The following DENND2A variants were observed in gnomAD, a reference collection of about 807,000 sequenced individuals.
The protein encoded by DENND2A is DENN domain containing 2A, also known as DENN domain-containing protein 2A.
In DENND2A, 53 loss-of-function variants were observed where a neutral mutation model predicts 105.3. The ratio of observed to expected loss-of-function variants is 0.50; its 90% confidence interval spans 0.40 to 0.63. The LOEUF is 0.63. DENND2A is among the 30% of genes least tolerant of loss of function. DENND2A has a pLI of 0.00. For synonymous variants in DENND2A, 522 were observed against 508.4 expected (o/e 1.03, Z -0.36); for missense variants, 1,138 against 1,279.6 (o/e 0.89, Z 1.69).
At chr7:140,565,467 G>T (rs1442750139) in intron 9 of DENND2A, among the ~76,000 whole-genome samples, 1 of 152,140 alleles carries the variant, frequency 6.6e-6, no homozygotes, top group Non-Finnish European at 1.5e-5. Flanking sequence ...TATATTCTTA[G>T]TAAATTCTGG....
chr7:140,601,309 CAAAT>C, intron 3 of DENND2A, 90 bp downstream of exon 3: 11 of 1,471,554 alleles, frequency 7.5e-6, no homozygotes, highest in Non-Finnish European at 9.1e-6. Flanking sequence ...TTTAATAAAA[CAAAT>C]AATTCAGCTG....
chr7:140,618,441 C>G (rs1378577503), intron 1 of DENND2A, among the ~76,000 whole-genome samples: 3 of 152,156 alleles, frequency 2.0e-5, no homozygotes, highest in African/African-American at 7.2e-5. Context: ...TGTTTCTCAG[C>G]TCTACAGAAA....
In DENND2A at chr7:140,521,281, CT is replaced by C. The variant is rs910891661; in HGVS notation, c.2911+573del. 6.5e-4 allele frequency among the ~76,000 whole-genome samples: 97 copies of C among 148,818 alleles called. No individual in the cohort carries two copies. The East Asian group carries it at 0.013, about 20-fold the overall frequency. ...TCTCCAATCAGTTTTCTTTTTCTTT[CT>C]TTTTTTTTTGTGACGGAGTCTCACT... On this transcript the variant is annotated intron_variant, in intron 18 of 19. Transcript: ENST00000496613.
chr7:140,602,032 T>G lies in DENND2A; in HGVS notation c.366A>C (p.Pro122=), dbSNP rs1365758419. Residue 122 remains proline (P), a synonymous_variant, in exon 3 of 20, where the codon CCA becomes CCC. Coordinates refer to ENST00000496613, the MANE Select transcript of DENND2A (RefSeq NM_015689.5). ...KGAVNVGGQD[P]EPGQDLSQPE... Reference sequence around the variant, plus strand: ...GCTGGCTTAGGTCTTGCCCCGGCTCTGGGTCCTGTCCCCCGACGTTCACTG... The same window carrying G: ...GCTGGCTTAGGTCTTGCCCCGGCTCGGGGTCCTGTCCCCCGACGTTCACTG... 2 of 1,614,106 alleles carry G rather than the reference T, an allele frequency of 1.2e-6. No homozygotes were observed. The highest frequency in any genetic ancestry group is 1.7e-6 in the Non-Finnish European group (2 of 1,180,036).
chr7:140,606,563 C>T lies in DENND2A; in HGVS notation c.-247-757G>A, dbSNP rs188977153. On this transcript the variant is annotated intron_variant, in intron 1 of 19. Coordinates refer to ENST00000496613, the MANE Select transcript of DENND2A (RefSeq NM_015689.5). ...GAACTGTCTTCACAGGGATACTCTA[C>T]CCTTCTGCGAACCCTGACACTGGGA... Among the ~76,000 whole-genome samples, 910 of 152,244 alleles carry T rather than the reference C, an allele frequency of 6.0e-3. 6 individuals carry two copies. Among genetic ancestry groups the T allele is most frequent in the African/African-American group, 0.02 (845 of 41,526 alleles).
chr7:140,572,004 GTC>G (rs1452081878), intron 6 of DENND2A, among the ~76,000 whole-genome samples: 1 of 144,866 alleles, frequency 6.9e-6, no homozygotes, highest in Non-Finnish European at 1.5e-5. Context: ...CTCTCTCTCT[GTC>G]TCTCTTTTAT....
chr7:140,535,095 G>T (rs1361223300), intron 14 of DENND2A, among the ~76,000 whole-genome samples: 1 of 152,134 alleles, frequency 6.6e-6, no homozygotes, highest in African/African-American at 2.4e-5. Context: ...TGCTCAGCTG[G>T]CTTCCAACTC....
intron 3 of DENND2A, among the ~76,000 whole-genome samples, chr7:140,590,131 T>G (rs1248741754): frequency 6.6e-6 from 1 of 152,222 alleles, no homozygotes; most frequent in Non-Finnish European, 1.5e-5. Flanking sequence ...GGCTCATGTC[T>G]GTAATTCCAG....
At chr7:140,596,364 T>G (rs1799282561) in intron 3 of DENND2A, among the ~76,000 whole-genome samples, 1 of 152,230 alleles carries the variant, frequency 6.6e-6, no homozygotes, top group Admixed American at 6.5e-5. Flanking sequence ...CTTTGAAGAC[T>G]TGAAACATTC....
intron 14 of DENND2A, among the ~76,000 whole-genome samples, chr7:140,536,868 G>A (rs1796473289): frequency 6.6e-6 from 1 of 151,854 alleles, no homozygotes; most frequent in Non-Finnish European, 1.5e-5. Context: ...TCACCATGTT[G>A]GCCAGGCTGG....
At chr7:140,562,768 G>A (rs184699110) in intron 9 of DENND2A, among the ~76,000 whole-genome samples, 1 of 152,304 alleles carries the variant, frequency 6.6e-6, no homozygotes. Context: ...TAATACTAGT[G>A]GTTAAGACAG....
chr7:140,607,052 G>A (rs970448961), intron 1 of DENND2A, among the ~76,000 whole-genome samples: 2 of 152,176 alleles, frequency 1.3e-5, no homozygotes, highest in Non-Finnish European at 2.9e-5. Context: ...TAGTGGAGAG[G>A]AGCCACCTCC....
chr7:140,543,106 TTTTTCTTTTC>T (rs1180046309), intron 14 of DENND2A, among the ~76,000 whole-genome samples: 1 of 147,604 alleles, frequency 6.8e-6, no homozygotes, highest in Admixed American at 6.8e-5. Flanking sequence ...CAAGTCTGTG[TTTTTCTTTTC>T]TTTTCTTTTT....
intron 9 of DENND2A, among the ~76,000 whole-genome samples, chr7:140,565,482 A>T (rs563108113): frequency 3.9e-5 from 6 of 152,172 alleles, no homozygotes; most frequent in Non-Finnish European, 8.8e-5. Flanking sequence ...TTCTGGTTGA[A>T]CTGAATTAGA....
chr7:140,585,995 G>T (rs1393138490), intron 4 of DENND2A, among the ~76,000 whole-genome samples: 1 of 152,142 alleles, frequency 6.6e-6, no homozygotes, highest in Admixed American at 6.5e-5. Context: ...TCAGGGAAGG[G>T]CTCATATTCT....
rs1479541861 is a variant in DENND2A at position 140,640,287 on chromosome 7, A to T, written c.-248+217T>A. The T allele has an allele frequency of 6.6e-6, 1 of 152,236 alleles. No individual in the cohort carries two copies. Among genetic ancestry groups the T allele is most frequent in the African/African-American group, 2.4e-5 (1 of 41,448 alleles). The allele number at this position is 152,236 out of a possible 1,614,324, so 9.4% of individuals were successfully genotyped here. A position where few individuals can be genotyped will look rare whatever the true frequency, so the allele number is the denominator to read the frequency against. On this transcript the variant is annotated intron_variant, in intron 1 of 19. Coordinates refer to ENST00000496613, the MANE Select transcript of DENND2A (RefSeq NM_015689.5). This position sits in a 1 kb window ranked among gnomAD's most constrained non-coding sequence, Gnocchi z 4.9. ...GCGCGAGACGGCGGCGTCCGGGCTC[A>T]GTCCTGGGAGTCAGCCCGAGCCCGG...
intron 14 of DENND2A, among the ~76,000 whole-genome samples, chr7:140,538,286 G>T (rs1229289058): frequency 6.6e-6 from 1 of 152,086 alleles, no homozygotes; most frequent in East Asian, 1.9e-4. Flanking sequence ...GGTCCTCTCT[G>T]GGATGTCACC....
intron 12 of DENND2A, among the ~76,000 whole-genome samples, chr7:140,554,959 A>G (rs547283309): frequency 6.6e-6 from 1 of 152,286 alleles, no homozygotes; most frequent in East Asian, 1.9e-4. Flanking sequence ...CTATCCATCT[A>G]TTACAGTAGC....
chr7:140,571,974 A>C (rs1174502113), intron 6 of DENND2A, among the ~76,000 whole-genome samples: 3 of 138,880 alleles, frequency 2.2e-5, no homozygotes, highest in Non-Finnish European at 3.0e-5. Flanking sequence ...GGACTTCAGC[A>C]GAACCATCTC....
Sources: gnomAD v4.1 joint callset for allele counts (sites outside exome capture counted in the v4.1 genomes callset) on GRCh38, gnomAD v4.1.1 for gene constraint, Gnocchi (gnomAD v3.1) non-coding constraint, MANE v1.5 for transcripts, NCBI Gene and HGNC (gene_info 2026-07-23, HGNC 2026-07-21) for gene names.